Variants in PCDH9 observed in about 807,000 individuals in gnomAD.
PCDH9 encodes the protein protocadherin-9.
In PCDH9, 24 loss-of-function variants were observed where a neutral mutation model predicts 70.6. The observed-to-expected ratio is 0.34, with a 90% CI of 0.25 to 0.48. The LOEUF is 0.48. Ranked by LOEUF, PCDH9 falls within the 20% of genes least tolerant of loss-of-function variation. PCDH9 has a pLI of 0.99. For synonymous variants in PCDH9, 562 were observed against 558.5 expected (o/e 1.01, Z -0.09); for missense variants, 1,281 against 1,503.6 (o/e 0.85, Z 2.45).
chr13:66,818,756 C>A (rs1008216925), intron 3 of PCDH9, among the ~76,000 whole-genome samples: 2 of 151,830 alleles, frequency 1.3e-5, no homozygotes, highest in Non-Finnish European at 2.9e-5. Flanking sequence ...CACGGTGAAA[C>A]CCCGTTTCTA....
intron 2 of PCDH9, among the ~76,000 whole-genome samples, chr13:66,980,730 G>GTTTTTTTTGTTTTTTTT (rs2083730608): frequency 1.4e-5 from 1 of 70,872 alleles, no homozygotes; most frequent in Non-Finnish European, 2.7e-5. Flanking sequence ...TTTTTTCTTT[G>GTTTTTTTTGTTTTTTTT]TTTTTTTTTT....
intron 4 of PCDH9, among the ~76,000 whole-genome samples, chr13:66,561,303 C>G (rs1962018721): frequency 6.6e-6 from 1 of 152,226 alleles, no homozygotes; most frequent in African/African-American, 2.4e-5. Flanking sequence ...GGGCTTCCCC[C>G]CACCCACTCT....
At chr13:66,380,496 A>G (rs980791823) in intron 4 of PCDH9, among the ~76,000 whole-genome samples, 1 of 151,286 alleles carries the variant, frequency 6.6e-6, no homozygotes, top group Non-Finnish European at 1.5e-5. Flanking sequence ...TAGATTACAC[A>G]TAATGCCGGA....
intron 2 of PCDH9, among the ~76,000 whole-genome samples, chr13:67,071,937 A>G (rs2138156970): frequency 6.6e-6 from 1 of 151,182 alleles, no homozygotes; most frequent in East Asian, 1.9e-4. Flanking sequence ...AAATGGTTCA[A>G]TAATCTGTTA....
At chr13:67,022,822 C>T (rs749665587) in intron 2 of PCDH9, among the ~76,000 whole-genome samples, 2 of 152,110 alleles carry the variant, frequency 1.3e-5, no homozygotes, top group Non-Finnish European at 2.9e-5. Context: ...TATTGCTTAA[C>T]GTTCAGACAT....
chr13:66,787,241 C>T (rs921017393), intron 3 of PCDH9, among the ~76,000 whole-genome samples: 2 of 152,150 alleles, frequency 1.3e-5, no homozygotes, highest in African/African-American at 4.8e-5. Flanking sequence ...CGGTAAAGAA[C>T]ACAGCACTTT....
chr13:66,787,301 T>A (rs1223815656), intron 3 of PCDH9, among the ~76,000 whole-genome samples: 3 of 152,124 alleles, frequency 2.0e-5, no homozygotes, highest in South Asian at 2.1e-4. Flanking sequence ...AAGACTTTTT[T>A]AAAACATATA....
intron 3 of PCDH9, among the ~76,000 whole-genome samples, chr13:66,687,756 A>T (rs1371020049): frequency 1.3e-5 from 2 of 152,124 alleles, no homozygotes; most frequent in Non-Finnish European, 2.9e-5. Context: ...TGACACCACC[A>T]TTTCCAAAAA....
chr13:66,576,862 T>G (rs1367344312), intron 4 of PCDH9, among the ~76,000 whole-genome samples: 2 of 152,100 alleles, frequency 1.3e-5, no homozygotes. Context: ...GTACAACTCA[T>G]CAGTGAATTT....
chr13:66,426,844 G>A (rs1417846403), intron 4 of PCDH9, among the ~76,000 whole-genome samples: 1 of 151,370 alleles, frequency 6.6e-6, no homozygotes, highest in Non-Finnish European at 1.5e-5. Flanking sequence ...TCCAAGCAGA[G>A]TTCAACATTA....
At chr13:66,783,220 T>C (rs1459214983) in intron 3 of PCDH9, among the ~76,000 whole-genome samples, 2 of 152,156 alleles carry the variant, frequency 1.3e-5, no homozygotes, top group East Asian at 3.9e-4. Context: ...GCACGTGAAT[T>C]TCTTTTCTTT....
chr13:66,481,967 A>C (rs941815333), intron 4 of PCDH9, among the ~76,000 whole-genome samples: 4 of 150,634 alleles, frequency 2.7e-5, no homozygotes, highest in Non-Finnish European at 4.4e-5. Flanking sequence ...CACACACACA[A>C]AATCAATCAA....
At position 66,997,621 on chromosome 13, in the gene PCDH9, G is replaced by A. The variant is rs529360662; in HGVS notation, c.3037-94016C>T. 1.5e-3 allele frequency among the ~76,000 whole-genome samples: 235 copies of A among 152,214 alleles called. 2 individuals carry two copies. The highest frequency in any genetic ancestry group is 5.5e-3 in the African/African-American group (227 of 41,524). On this transcript the variant is annotated intron_variant, in intron 2 of 4. Transcript: ENST00000377865. ...ACAATCTTGGCTCACTGCAAACTCCGCCTCCCGGCTTCAAGCCATTCTCCT... is the reference window on the plus strand; with the variant it reads ...ACAATCTTGGCTCACTGCAAACTCCACCTCCCGGCTTCAAGCCATTCTCCT...
chr13:67,006,907 A>ATTATTT (rs1411998483), intron 2 of PCDH9, among the ~76,000 whole-genome samples: 1 of 152,178 alleles, frequency 6.6e-6, no homozygotes, highest in Non-Finnish European at 1.5e-5. Context: ...TATTTTTGCA[A>ATTATTT]ACATAGAATT....
rs527262148 is a variant in PCDH9 at position 66,923,706 on chromosome 13, G to T, written c.3037-20101C>A. Among the ~76,000 whole-genome samples, 18 of 151,742 alleles carry T rather than the reference G, an allele frequency of 1.2e-4. No individual in the cohort carries two copies. The South Asian group carries it at 3.1e-3, about 26-fold the overall frequency. On this transcript the variant is annotated intron_variant, in intron 2 of 4. Coordinates refer to ENST00000377865, the MANE Select transcript of PCDH9 (RefSeq NM_203487.3). ...TTTGCTTAATGTCACAAAGCCAATT[G>T]GTTAAAAAGCCCAGATGTGAATTCC...
rs766292780 is a variant in PCDH9, at chr13:67,227,851, T to A, written c.590A>T (p.Glu197Val). The change falls in exon 2 of 5, where the codon GAG becomes GTG. Residue 197 changes from glutamate (E) to valine (V), a missense_variant. Glu to Val is a moderately radical substitution (Grantham distance 121). Around this residue, in one of 4 missense-constraint regions of PCDH9, gnomAD observed 798 missense variants for 1,003.1 expected, o/e 0.80. Coordinates refer to ENST00000377865, the MANE Select transcript of PCDH9 (RefSeq NM_203487.3). The surrounding 1 kb of genome is among the most constrained non-coding windows in gnomAD (Gnocchi z 4.6). ...AATCAGTTGTGGCCACTTCTCTCCC[T>A]CTGGAGTTTCCACGATATCCAGTCC... ...VFGLDIVETP[E>V]GEKWPQLIVQ... 1 of 1,614,028 alleles carries A rather than the reference T, an allele frequency of 6.2e-7. No individual in the cohort carries two copies.
At chr13:66,870,784 G>T (rs1370164800) in intron 3 of PCDH9, among the ~76,000 whole-genome samples, 41 of 152,178 alleles carry the variant, frequency 2.7e-4, no homozygotes, top group Admixed American at 8.5e-4. Flanking sequence ...TTTGACACTG[G>T]TGGTGGGACT....
At chr13:67,134,735 G>A (rs2087190035) in intron 2 of PCDH9, among the ~76,000 whole-genome samples, 1 of 152,034 alleles carries the variant, frequency 6.6e-6, no homozygotes, top group Admixed American at 6.6e-5. Flanking sequence ...ACATGCTTGA[G>A]AGCAAACAAG....
At chr13:66,614,800 T>C (rs1438417566) in intron 4 of PCDH9, among the ~76,000 whole-genome samples, 1 of 152,192 alleles carries the variant, frequency 6.6e-6, no homozygotes, top group Non-Finnish European at 1.5e-5. Flanking sequence ...AGTTTTGCCA[T>C]GAGAGTACAT....
Sources: allele counts gnomAD v4.1 joint callset (sites outside exome capture counted in the v4.1 genomes callset), GRCh38; gene constraint gnomAD v4.1.1; regional missense constraint gnomAD v4.1.1; non-coding constraint Gnocchi (gnomAD v3.1); transcripts MANE v1.5; gene names NCBI Gene and HGNC (gene_info 2026-07-23, HGNC 2026-07-21).